Variants in DLG2 observed in about 807,000 individuals in gnomAD.
The protein encoded by DLG2 is disks large homolog 2.
A neutral mutation model predicts 132.5 loss-of-function variants in DLG2; 45 were observed. The ratio of observed to expected loss-of-function variants is 0.34; its 90% CI spans 0.27 to 0.44. DLG2 has a LOEUF of 0.44. Among genes scored for constraint, DLG2 ranks in the 20% least tolerant of loss-of-function variants. The probability of loss-of-function intolerance (pLI) is 1.00; values close to 1 mark genes in which losing one functional copy is unlikely to be tolerated. For missense variants in DLG2, 1,045 were observed against 1,196.9 expected, an observed-to-expected ratio of 0.87 and a Z score of 1.87; for synonymous variants, 424 against 419.6, an observed-to-expected ratio of 1.01 and a Z score of -0.13.
At chr11:84,812,125 T>G (rs1189548678) in intron 6 of DLG2, among the ~76,000 whole-genome samples, 1 of 152,162 alleles carries the variant, frequency 6.6e-6, no homozygotes, top group Non-Finnish European at 1.5e-5. Context: ...CAGACAAATA[T>G]GATCCAGCAT....
intron 7 of DLG2, among the ~76,000 whole-genome samples, chr11:84,491,675 T>C (rs1244122608): frequency 6.6e-6 from 1 of 152,186 alleles, no homozygotes; most frequent in Non-Finnish European, 1.5e-5. Context: ...TCAAAGCAAG[T>C]GGCAGTTCTG....
chr11:84,293,349 G>A (rs1221986793), intron 7 of DLG2, among the ~76,000 whole-genome samples: 1 of 151,918 alleles, frequency 6.6e-6, no homozygotes, highest in East Asian at 1.9e-4. Context: ...AAGACAAAAG[G>A]TCATCACACC....
intron 21 of DLG2, among the ~76,000 whole-genome samples, chr11:83,512,682 T>C (rs921717431): frequency 6.7e-6 from 1 of 149,220 alleles, no homozygotes; most frequent in African/African-American, 2.4e-5. Context: ...TCCCTCCCCC[T>C]TCCCCCCACC....
chr11:85,454,936 A>T (rs1240229328), intron 3 of DLG2, among the ~76,000 whole-genome samples: 1 of 152,094 alleles, frequency 6.6e-6, no homozygotes, highest in East Asian at 1.9e-4. Flanking sequence ...CTTGTAGTAT[A>T]CTTTGAAGTC....
chr11:84,046,816 CATTTT>C (rs1238932636), intron 11 of DLG2, among the ~76,000 whole-genome samples: 1 of 151,482 alleles, frequency 6.6e-6, no homozygotes, highest in African/African-American at 2.4e-5. Context: ...AAATAGATTT[CATTTT>C]ATCTTTCCTA....
chr11:84,764,901 G>A (rs899340845), intron 6 of DLG2, among the ~76,000 whole-genome samples: 1 of 152,052 alleles, frequency 6.6e-6, no homozygotes, highest in African/African-American at 2.4e-5. Context: ...GTTCATGGAG[G>A]ATGAATGTGT....
At chr11:85,546,948 C>T (rs1045068658) in intron 3 of DLG2, among the ~76,000 whole-genome samples, 1 of 149,658 alleles carries the variant, frequency 6.7e-6, no homozygotes, top group African/African-American at 2.5e-5. Flanking sequence ...TGGGTCTTGA[C>T]TCTTATCCAA....
intron 18 of DLG2, among the ~76,000 whole-genome samples, chr11:83,703,714 T>C (rs2083377348): frequency 6.6e-6 from 1 of 152,240 alleles, no homozygotes; most frequent in African/African-American, 2.4e-5. Context: ...ATGCCAATTA[T>C]CTTGAAAAGC....
intron 19 of DLG2, among the ~76,000 whole-genome samples, chr11:83,584,275 T>C (rs140997639): frequency 6.6e-6 from 1 of 152,330 alleles, no homozygotes; most frequent in East Asian, 1.9e-4. Flanking sequence ...TAGTAGTGTT[T>C]AAAACATTCG....
At chr11:84,603,081 A>G (rs975744206) in intron 6 of DLG2, among the ~76,000 whole-genome samples, 6 of 151,970 alleles carry the variant, frequency 3.9e-5, no homozygotes, top group Non-Finnish European at 8.8e-5. Context: ...CCTAGGTCAA[A>G]TGTAACATCA....
At chr11:84,659,661 A>G (rs535775262) in intron 6 of DLG2, among the ~76,000 whole-genome samples, 2 of 152,216 alleles carry the variant, frequency 1.3e-5, no homozygotes, top group South Asian at 4.1e-4. Context: ...TATCATTTGG[A>G]TGTTGATTTT....
chr11:84,830,915 A>G (rs766663716), intron 6 of DLG2, among the ~76,000 whole-genome samples: 2 of 151,150 alleles, frequency 1.3e-5, no homozygotes, highest in African/African-American at 4.8e-5. Context: ...TATAAAACTT[A>G]TAACATTAAG....
chr11:84,191,923 A>T (rs548642949), intron 8 of DLG2, among the ~76,000 whole-genome samples: 7 of 151,568 alleles, frequency 4.6e-5, no homozygotes, highest in Admixed American at 1.3e-4. Context: ...AAAAAAAAAA[A>T]TGCTGAGCAC....
Position 85,101,353 on chromosome 11 carries a change from T to C in DLG2, c.357+10308A>G, listed in dbSNP as rs557664192. On this transcript the variant is annotated intron_variant, in intron 6 of 27. Transcript: ENST00000376104. ...TGTTCAAACATGTATGCCTAAGAAA[T>C]ATTAAGAAGACAATACAGTAAAATC... is the stretch of plus-strand genomic sequence containing the variant. Among the ~76,000 whole-genome samples, 141 of 152,196 alleles carry C rather than the reference T, an allele frequency of 9.3e-4. 2 individuals are homozygous for C. Among genetic ancestry groups the C allele is most frequent in the Non-Finnish European group, 8.5e-4 (58 of 67,994 alleles).
chr11:84,928,896 TA>T (rs2047714274), intron 6 of DLG2, among the ~76,000 whole-genome samples: 1 of 147,976 alleles, frequency 6.8e-6, no homozygotes, highest in Admixed American at 6.8e-5. Flanking sequence ...TTTCTTATCT[TA>T]AAAATTGATA....
intron 3 of DLG2, among the ~76,000 whole-genome samples, chr11:85,537,411 A>G (rs1189424366): frequency 1.3e-5 from 2 of 152,176 alleles, no homozygotes; most frequent in Non-Finnish European, 2.9e-5. Context: ...CAAAGCCTTT[A>G]TGAGCTGTAA....
At chr11:84,106,159 A>G (rs2092897787) in intron 9 of DLG2, among the ~76,000 whole-genome samples, 2 of 147,028 alleles carry the variant, frequency 1.4e-5, no homozygotes, top group South Asian at 2.1e-4. Flanking sequence ...TACATGCCAG[A>G]AGAAGAAATG....
chr11:84,478,746 A>T (rs944973738), intron 7 of DLG2, among the ~76,000 whole-genome samples: 7 of 152,136 alleles, frequency 4.6e-5, no homozygotes, highest in African/African-American at 9.6e-5. Flanking sequence ...ATAACTATGT[A>T]TATTTTTTTC....
chr11:84,647,000 G>C (rs568234162), intron 6 of DLG2, among the ~76,000 whole-genome samples: 35 of 152,194 alleles, frequency 2.3e-4, no homozygotes, highest in Non-Finnish European at 8.8e-5. Context: ...GAGAGAGTAA[G>C]ACAGGTAAAT....
Sources: gnomAD v4.1 joint callset for allele counts (sites outside exome capture counted in the v4.1 genomes callset) on GRCh38, gnomAD v4.1.1 for gene constraint, MANE v1.5 for transcripts, NCBI Gene and HGNC (gene_info 2026-07-23, HGNC 2026-07-21) for gene names.